Variants in PTPRT observed in about 807,000 individuals in gnomAD.
PTPRT encodes the protein protein tyrosine phosphatase receptor type T.
Under a neutral mutation model 176.8 loss-of-function variants are expected in PTPRT, and 56 were observed. The observed-to-expected ratio is 0.32, with a 90% confidence interval of 0.26 to 0.40. The LOEUF (loss-of-function observed/expected upper bound fraction) is 0.40. Ranked by LOEUF, PTPRT falls within the 10% of genes least tolerant of loss-of-function variation. The pLI is 1.00. For synonymous variants in PTPRT, 783 were observed against 739.0 expected, an observed-to-expected ratio of 1.06 and a Z score of -0.96; for missense variants, 1,540 against 1,908.2, an observed-to-expected ratio of 0.81 and a Z score of 3.60.
At position 42,617,252 on chromosome 20, in the gene PTPRT, C is replaced by T. The variant is rs1165003504; in HGVS notation, c.1153+60614G>A. On this transcript the variant is annotated intron_variant, in intron 7 of 30. Coordinates refer to ENST00000373187, the MANE Select transcript of PTPRT (RefSeq NM_007050.6). ...ATGCTGGATTACATTTATTGATTTG[C>T]GTATATTGAACCAGCCTTGCATCCC... 2.8e-4 allele frequency among the ~76,000 whole-genome samples: 38 copies of T among 135,886 alleles called. 5 individuals are homozygous for T. The highest frequency in any genetic ancestry group is 4.6e-4 in the African/African-American group (14 of 30,430). The allele number at this position is 135,886 out of a possible 152,430, so 89.1% of individuals were successfully genotyped here.
At chr20:42,326,685 C>T (rs946430834) in intron 11 of PTPRT, among the ~76,000 whole-genome samples, 11 of 152,194 alleles carry the variant, frequency 7.2e-5, no homozygotes, top group East Asian at 3.9e-4. Context: ...CCCTAGCACA[C>T]GGCTTGGTAG....
rs1377615608 is a variant in PTPRT at position 42,791,475 on chromosome 20, C to T, written c.215-9G>A. The T allele has an allele frequency of 6.2e-7, 1 of 1,604,738 alleles. No homozygotes were observed. Among genetic ancestry groups the T allele is most frequent in the South Asian group, 1.1e-5 (1 of 89,812 alleles). ...CACCATCATGAAAGATCCTGGAGAC[C>T]CACAAAGCAGGTGGGAAGTAGAGAC... On this transcript the variant is annotated splice_polypyrimidine_tract_variant and intron_variant, in intron 2 of 30. Transcript: ENST00000373187.
chr20:42,755,542 A>G (rs1414166365), intron 6 of PTPRT, among the ~76,000 whole-genome samples: 1 of 151,812 alleles, frequency 6.6e-6, no homozygotes, highest in Admixed American at 6.6e-5. Flanking sequence ...ACATCCATAC[A>G]CTGCAGTTAC....
chr20:42,150,715 G>C (rs1224369371), intron 17 of PTPRT, among the ~76,000 whole-genome samples: 1 of 152,090 alleles, frequency 6.6e-6, no homozygotes, highest in African/African-American at 2.4e-5. Flanking sequence ...GTCAATAAAC[G>C]TTTCTGAAAA....
chr20:42,156,314 T>G (rs921394088), intron 17 of PTPRT, among the ~76,000 whole-genome samples: 10 of 152,186 alleles, frequency 6.6e-5, no homozygotes, highest in African/African-American at 2.4e-4. Context: ...AAGGGCTCTA[T>G]TTAGTTCCCA....
intron 1 of PTPRT, among the ~76,000 whole-genome samples, chr20:42,949,761 T>C (rs568857878): frequency 1.3e-5 from 2 of 152,358 alleles, no homozygotes; most frequent in South Asian, 4.1e-4. Flanking sequence ...TCAGCTATTT[T>C]TTATGTTTGC....
At chr20:42,099,549 G>T (rs376387495) in intron 26 of PTPRT, among the ~76,000 whole-genome samples, 6 of 60,480 alleles carry the variant, frequency 9.9e-5, no homozygotes, top group Non-Finnish European at 1.2e-4. Flanking sequence ...GCCTGGGCGG[G>T]GGGGGGGGGG....
intron 2 of PTPRT, among the ~76,000 whole-genome samples, chr20:42,849,578 T>C (rs2078434698): frequency 6.6e-6 from 1 of 152,092 alleles, no homozygotes; most frequent in Non-Finnish European, 1.5e-5. Context: ...GATAGGGTGG[T>C]ACAGTGGGCA....
intron 7 of PTPRT, among the ~76,000 whole-genome samples, chr20:42,545,798 T>C (rs1293599015): frequency 2.0e-5 from 3 of 152,170 alleles, no homozygotes; most frequent in Non-Finnish European, 2.9e-5. Flanking sequence ...TGTTAGGCCA[T>C]CTTCACTCAC....
chr20:42,282,272 C>T (rs1028037626), intron 13 of PTPRT, among the ~76,000 whole-genome samples: 1 of 152,132 alleles, frequency 6.6e-6, no homozygotes, highest in Non-Finnish European at 1.5e-5. Context: ...CCCATCCATC[C>T]ATTCAGTAAA....
chr20:42,185,250 A>T (rs1026416969), intron 16 of PTPRT, among the ~76,000 whole-genome samples: 1 of 152,074 alleles, frequency 6.6e-6, no homozygotes, highest in South Asian at 2.1e-4. Flanking sequence ...TCCAATCAAG[A>T]ATCACATCTG....
intron 1 of PTPRT, among the ~76,000 whole-genome samples, chr20:43,061,796 C>T (rs369780072): frequency 6.6e-6 from 1 of 152,294 alleles, no homozygotes; most frequent in South Asian, 2.1e-4. Context: ...CATTAAATCC[C>T]ATCTGCAAAT....
At chr20:42,540,932 A>C (rs1421142676) in intron 7 of PTPRT, among the ~76,000 whole-genome samples, 2 of 152,110 alleles carry the variant, frequency 1.3e-5, no homozygotes, top group Non-Finnish European at 2.9e-5. Context: ...CAAAACCATT[A>C]ATAGATAATG....
intron 12 of PTPRT, among the ~76,000 whole-genome samples, chr20:42,297,972 T>C (rs2057412274): frequency 6.6e-6 from 1 of 152,150 alleles, no homozygotes; most frequent in Non-Finnish European, 1.5e-5. Flanking sequence ...GAAAAAACTT[T>C]TTAACTGTGA....
chr20:42,646,209 G>C (rs916097168), intron 7 of PTPRT, among the ~76,000 whole-genome samples: 1 of 151,958 alleles, frequency 6.6e-6, no homozygotes, highest in African/African-American at 2.4e-5. Context: ...TCTTCTCCAG[G>C]GGACCCACGG....
intron 27 of PTPRT, among the ~76,000 whole-genome samples, chr20:42,094,015 C>T (rs1984925580): frequency 6.6e-6 from 1 of 152,254 alleles, no homozygotes; most frequent in Non-Finnish European, 1.5e-5. Flanking sequence ...TTCTCAAACT[C>T]TGTACCAACA....
chr20:42,350,236 T>G lies in PTPRT; in HGVS notation c.1865+392A>C, dbSNP rs1187559415. Among the ~76,000 whole-genome samples, 1,138 of 143,056 alleles carry G rather than the reference T, an allele frequency of 8.0e-3. 31 individuals carry two copies. Among genetic ancestry groups the G allele is most frequent in the African/African-American group, 0.027 (1,035 of 38,418 alleles). The allele number at this position is 143,056 out of a possible 152,430, so 93.9% of individuals were successfully genotyped here. On this transcript the variant is annotated intron_variant, in intron 11 of 30. Transcript: ENST00000373187. The stretch of plus-strand genomic sequence containing the variant: ...CTTGTTTTTTTTTTTTTTTTTTTTT[T>G]TTTTTTTTTTGAGACAGGGTCTCAC...
chr20:42,163,033 C>T (rs1989673421), intron 16 of PTPRT, among the ~76,000 whole-genome samples: 1 of 152,184 alleles, frequency 6.6e-6, no homozygotes, highest in Non-Finnish European at 1.5e-5. Flanking sequence ...GTCATGGGCA[C>T]ACAGGAATGG....
chr20:42,958,947 C>A (rs1357512663), intron 1 of PTPRT, among the ~76,000 whole-genome samples: 2 of 152,168 alleles, frequency 1.3e-5, no homozygotes, highest in African/African-American at 4.8e-5. Context: ...GCAACCTCCA[C>A]CCTCTGAATT....
Sources: gnomAD v4.1 joint callset for allele counts (sites outside exome capture counted in the v4.1 genomes callset) on GRCh38, gnomAD v4.1.1 for gene constraint, MANE v1.5 for transcripts, NCBI Gene and HGNC (gene_info 2026-07-23, HGNC 2026-07-21) for gene names.